Variants in CPLANE1 observed in about 807,000 individuals in gnomAD.
The protein encoded by CPLANE1 is ciliogenesis and planar polarity effector 1.
Under a neutral mutation model 362.5 loss-of-function variants are expected in CPLANE1, and 263 were observed. The observed-to-expected ratio is 0.73, with a 90% CI of 0.66 to 0.80. The LOEUF is 0.80. Among genes scored for constraint, CPLANE1 ranks in the 30% least tolerant of loss-of-function variants. The pLI is 0.00. For missense variants in CPLANE1, 3,461 were observed against 3,793.4 expected (o/e 0.91, Z 2.30); for synonymous variants, 1,212 against 1,302.6 (o/e 0.93, Z 1.50).
At chr5:37,190,591 G>A (rs1339766513) in intron 21 of CPLANE1, among the ~76,000 whole-genome samples, 1 of 152,056 alleles carries the variant, frequency 6.6e-6, no homozygotes, top group African/African-American at 2.4e-5. Flanking sequence ...GGTGGACCTT[G>A]ATTGGATAGA....
At chr5:37,205,014 G>T (rs761812537) in intron 18 of CPLANE1, among the ~76,000 whole-genome samples, 2 of 152,136 alleles carry the variant, frequency 1.3e-5, no homozygotes, top group Non-Finnish European at 2.9e-5. Flanking sequence ...AAAATTAGCC[G>T]GACGTGGTGG....
intron 49 of CPLANE1, 106 bp from the exon 50 acceptor site, chr5:37,120,446 T>C: frequency 1.1e-6 from 1 of 919,064 alleles, no homozygotes; most frequent in Non-Finnish European, 1.6e-6. Context: ...AGTGCAAGCC[T>C]ATAGCCCCAG....
In CPLANE1 at chr5:37,221,391, A is replaced by T. The variant is rs959606573; in HGVS notation, c.2679T>A (p.Cys893Ter). Residue 893 changes from cysteine (C) to a stop codon, truncating the protein, a stop_gained, in exon 15 of 53, where the codon TGT becomes TGA. Coordinates refer to ENST00000651892, the MANE Select transcript of CPLANE1 (RefSeq NM_001384732.1). LOFTEE classifies it high-confidence loss of function. The part of the protein sequence containing the change: ...SYNLNDAQGL[C>*]DQLAREILRW... ...TCAGGATTTCTCTTGCTAGCTGATC[A>T]CACAATCCTTGAGCATCATTTAAAT... is the stretch of plus-strand genomic sequence containing the variant. 1 of 1,536,464 alleles carries T rather than the reference A, an allele frequency of 6.5e-7. No individual in the cohort carries two copies. The highest frequency in any genetic ancestry group is 1.4e-5 in the African/African-American group (1 of 72,056).
rs1361588934 is a variant in CPLANE1, at chr5:37,209,288, C to T, written c.2921-2863G>A. 8 of 746,942 alleles carry T rather than the reference C, an allele frequency of 1.1e-5. No homozygotes were observed. The African/African-American group carries it at 1.2e-4, about 11-fold the overall frequency. The allele number at this position is 746,942 out of a possible 1,614,324, so 46.3% of individuals were successfully genotyped here. ...GCAGGGATTCCCCCTCGTCTTGGCC[C>T]TACAGCCCCAGCTGGGCACTAAACT... On this transcript the variant is annotated intron_variant, in intron 16 of 52. Transcript: ENST00000651892. This position sits in a 1 kb window ranked among gnomAD's most constrained non-coding sequence, Gnocchi z 4.6.
the CPLANE1 span, chr5:37,085,390 G>A: frequency 1.9e-5 from 24 of 1,261,432 alleles, no homozygotes; most frequent in Middle Eastern, 2.0e-4. Flanking sequence ...GCTGTACATC[G>A]TATTACACCC....
At chr5:37,216,559 A>G (rs1794140832) in intron 15 of CPLANE1, among the ~76,000 whole-genome samples, 1 of 151,188 alleles carries the variant, frequency 6.6e-6, no homozygotes, top group South Asian at 2.1e-4. Context: ...AAACACACGC[A>G]CACAAATGTG....
chr5:37,169,951 T>G, intron 33 of CPLANE1, 90 bp downstream of exon 33: 1 of 1,306,616 alleles, frequency 7.7e-7, no homozygotes, highest in South Asian at 1.4e-5. Context: ...GGTCTCGAAC[T>G]CCCAACCTCA....
chr5:37,164,377 T>C (rs771269915), intron 36 of CPLANE1, 50 bp from the exon 37 acceptor site: 3 of 1,427,904 alleles, frequency 2.1e-6, no homozygotes, highest in South Asian at 1.2e-5. Flanking sequence ...AAGATGTGTA[T>C]TATTTTTGAA....
At chr5:37,236,630 C>T (rs1366293712) in intron 8 of CPLANE1, among the ~76,000 whole-genome samples, 6 of 150,584 alleles carry the variant, frequency 4.0e-5, no homozygotes, top group Non-Finnish European at 5.9e-5. Context: ...AGTAAAAAGG[C>T]AACCTACAAA....
chr5:37,209,318 C>T lies in CPLANE1; in HGVS notation c.2921-2893G>A, dbSNP rs1791909056. 2.4e-6 allele frequency: 2 copies of T among 821,390 alleles called. No homozygotes were observed. The highest frequency in any genetic ancestry group is 2.5e-5 in the East Asian group (1 of 40,364). 50.9% of individuals were successfully genotyped at this position (821,390 alleles called of 1,614,324 possible). A position where few individuals can be genotyped will look rare whatever the true frequency, so the allele number is the denominator to read the frequency against. On this transcript the variant is annotated intron_variant, in intron 16 of 52. Coordinates refer to ENST00000651892, the MANE Select transcript of CPLANE1 (RefSeq NM_001384732.1). This position sits in a 1 kb window ranked among gnomAD's most constrained non-coding sequence, Gnocchi z 4.6. ...GCCCCAGCTGGGCACTAAACTCGGG[C>T]CACGGCGGGGCGAGCGAGGCGGGCT... is the stretch of plus-strand genomic sequence containing the variant.
At chr5:37,222,353 G>A (rs1795541168) in intron 14 of CPLANE1, among the ~76,000 whole-genome samples, 1 of 152,194 alleles carries the variant, frequency 6.6e-6, no homozygotes, top group Admixed American at 6.5e-5. Context: ...GAGCATGGAT[G>A]TGATAGCTGA....
chr5:37,176,762 C>CTTT (rs11463353), intron 30 of CPLANE1, among the ~76,000 whole-genome samples: 3 of 137,180 alleles, frequency 2.2e-5, no homozygotes, highest in African/African-American at 5.5e-5. Flanking sequence ...ATTATGTTGC[C>CTTT]TTTTTTTTTT....
intron 44 of CPLANE1, chr5:37,141,154 G>C (rs893270034): frequency 1.2e-5 from 12 of 985,122 alleles, no homozygotes; most frequent in Non-Finnish European, 1.4e-5. Flanking sequence ...TCCCAGGTCA[G>C]ATTTTAGTAG....
chr5:37,125,191 A>G (rs945794887), intron 47 of CPLANE1, 53 bp downstream of exon 47: 2 of 1,525,502 alleles, frequency 1.3e-6, no homozygotes, highest in Non-Finnish European at 1.8e-6. Flanking sequence ...TTTTGCCAGG[A>G]AAGTAATTAC....
At chr5:37,121,846 G>A (rs2150089188) in intron 48 of CPLANE1, 62 bp from the exon 49 acceptor site, 1 of 1,364,298 alleles carries the variant, frequency 7.3e-7, no homozygotes, top group Non-Finnish European at 1.0e-6. Context: ...TATCCAGAGG[G>A]AATATAGTGT....
the CPLANE1 span, among the ~76,000 whole-genome samples, chr5:37,101,004 T>C: frequency 2.6e-4 from 40 of 152,358 alleles, no homozygotes; most frequent in Middle Eastern, 0.01. Flanking sequence ...CTTAAGAAGC[T>C]TTTGGGCTGA....
intron 52 of CPLANE1, 91 bp from the exon 53 acceptor site, chr5:37,107,869 C>A: frequency 6.9e-7 from 1 of 1,443,334 alleles, no homozygotes; most frequent in Non-Finnish European, 9.1e-7. Context: ...ACTAAGCTTT[C>A]CAAAAATTCT....
At chr5:37,227,868 G>A (rs1796793153) in intron 9 of CPLANE1, 51 bp from the exon 10 acceptor site, 1 of 1,466,774 alleles carries the variant, frequency 6.8e-7, no homozygotes, top group Non-Finnish European at 9.1e-7. Context: ...AGATCTTACG[G>A]AAAACAATAA....
chr5:37,205,815 GTGATC>G (rs1298520953), intron 17 of CPLANE1, among the ~76,000 whole-genome samples: 1 of 152,180 alleles, frequency 6.6e-6, no homozygotes, highest in African/African-American at 2.4e-5. Context: ...CCGCGCTCAA[GTGATC>G]TTCCCACCTC....
Sources: gnomAD v4.1 joint callset for allele counts (sites outside exome capture counted in the v4.1 genomes callset) on GRCh38, gnomAD v4.1.1 for gene constraint, Gnocchi (gnomAD v3.1) non-coding constraint, MANE v1.5 for transcripts, NCBI Gene and HGNC (gene_info 2026-07-23, HGNC 2026-07-21) for gene names.